The following MARCHF1 variants were observed in gnomAD, a reference collection of about 807,000 sequenced individuals.
MARCHF1 encodes the protein E3 ubiquitin-protein ligase MARCHF1.
Under a neutral mutation model 54.2 loss-of-function variants are expected in MARCHF1, and 40 were observed. The ratio of observed to expected loss-of-function variants is 0.74; its 90% CI spans 0.57 to 0.96. MARCHF1 has a LOEUF of 0.96. Among genes scored for constraint, MARCHF1 ranks in the 40% least tolerant of loss-of-function variants. The pLI is 0.00. For synonymous variants in MARCHF1, 236 were observed against 236.3 expected, an observed-to-expected ratio of 1.00 and a Z score of 0.01; for missense variants, 586 against 656.5, an observed-to-expected ratio of 0.89 and a Z score of 1.17.
chr4:163,804,351 AATATC>A (rs1748166695), intron 4 of MARCHF1, among the ~76,000 whole-genome samples: 1 of 152,158 alleles, frequency 6.6e-6, no homozygotes. Flanking sequence ...AAACAGCATT[AATATC>A]ATATGGGAAC....
At chr4:163,845,953 T>C (rs994676139) in intron 4 of MARCHF1, among the ~76,000 whole-genome samples, 5 of 152,148 alleles carry the variant, frequency 3.3e-5, no homozygotes, top group Admixed American at 2.6e-4. Context: ...TAACAACCAT[T>C]GGGACATATT....
chr4:163,734,215 A>T (rs1428332075), intron 4 of MARCHF1, among the ~76,000 whole-genome samples: 1 of 152,216 alleles, frequency 6.6e-6, no homozygotes, highest in Non-Finnish European at 1.5e-5. Flanking sequence ...AAATCCTCAC[A>T]TACTGTTGGT....
intron 2 of MARCHF1, among the ~76,000 whole-genome samples, chr4:164,105,315 C>T (rs550006010): frequency 7.2e-6 from 1 of 139,730 alleles, no homozygotes; most frequent in Admixed American, 7.3e-5. Context: ...CAAGTCAATC[C>T]TAAGCCAAAA....
chr4:163,705,841 T>C (rs1472896607), intron 4 of MARCHF1, among the ~76,000 whole-genome samples: 3 of 152,018 alleles, frequency 2.0e-5, no homozygotes, highest in Admixed American at 1.3e-4. Flanking sequence ...ATGGAGTATT[T>C]GGTAGAAAAG....
At chr4:164,005,030 A>T (rs889246521) in intron 2 of MARCHF1, among the ~76,000 whole-genome samples, 2 of 152,102 alleles carry the variant, frequency 1.3e-5, no homozygotes, top group Non-Finnish European at 2.9e-5. Context: ...ATAATGCAGA[A>T]AATTAGTACA....
intron 2 of MARCHF1, among the ~76,000 whole-genome samples, chr4:164,046,654 C>A (rs1377910052): frequency 6.6e-6 from 1 of 152,068 alleles, no homozygotes; most frequent in Non-Finnish European, 1.5e-5. Context: ...AAATATTAAT[C>A]AAAACACAAA....
At chr4:164,154,186 T>A (rs1311686987) in intron 1 of MARCHF1, among the ~76,000 whole-genome samples, 1 of 152,070 alleles carries the variant, frequency 6.6e-6, no homozygotes, top group African/African-American at 2.4e-5. Context: ...TATTTAAATG[T>A]AAAAAATATC....
intron 1 of MARCHF1, among the ~76,000 whole-genome samples, chr4:164,213,559 A>G (rs1184211154): frequency 6.6e-6 from 1 of 152,030 alleles, no homozygotes; most frequent in Non-Finnish European, 1.5e-5. Flanking sequence ...TAAAAATTCT[A>G]CGTAACACAT....
At position 163,586,320 on chromosome 4, in the gene MARCHF1, G is replaced by A. The variant is rs115442044; in HGVS notation, c.1011-391C>T. On this transcript the variant is annotated intron_variant, in intron 7 of 9. Coordinates refer to ENST00000514618, the MANE Select transcript of MARCHF1 (RefSeq NM_001394959.1). ...TAAATGAATTCTGTGTTTAGACTGGGTTGAATCTCCAGGATATCTCGTTAT... is the reference window on the plus strand; with the variant it reads ...TAAATGAATTCTGTGTTTAGACTGGATTGAATCTCCAGGATATCTCGTTAT... Among the ~76,000 whole-genome samples the A allele has an allele frequency of 4.6e-3, 703 of 152,140 alleles. 7 individuals are homozygous for A. The highest frequency in any genetic ancestry group is 0.016 in the African/African-American group (683 of 41,486).
intron 1 of MARCHF1, among the ~76,000 whole-genome samples, chr4:164,349,543 G>T (rs1048884041): frequency 1.3e-5 from 2 of 151,964 alleles, no homozygotes; most frequent in African/African-American, 4.8e-5. Flanking sequence ...TTATTTTCTA[G>T]TATTTGTCCA....
chr4:164,066,385 G>T (rs192962207), intron 2 of MARCHF1, among the ~76,000 whole-genome samples: 1 of 152,190 alleles, frequency 6.6e-6, no homozygotes, highest in Non-Finnish European at 1.5e-5. Flanking sequence ...TGGTGAGGTT[G>T]TGGAGAAAAA....
chr4:163,722,346 G>C (rs1745500630), intron 4 of MARCHF1, among the ~76,000 whole-genome samples: 1 of 152,168 alleles, frequency 6.6e-6, no homozygotes, highest in South Asian at 2.1e-4. Context: ...GGTTTTGAGT[G>C]AGTTTCTGAA....
intron 4 of MARCHF1, among the ~76,000 whole-genome samples, chr4:163,765,494 G>A (rs1746947889): frequency 6.6e-6 from 1 of 152,030 alleles, no homozygotes. Context: ...GCTAACTACA[G>A]CTATATTACA....
Position 164,176,976 on chromosome 4 carries a change from CT to C in MARCHF1, c.-322-65315del, listed in dbSNP as rs1730698670. Among the ~76,000 whole-genome samples the C allele has an allele frequency of 3.7e-4, 12 of 32,860 alleles. 1 individual carries two copies. The highest frequency in any genetic ancestry group is 1.1e-3 in the South Asian group (1 of 918). The allele number at this position is 32,860 out of a possible 152,430, so 21.6% of individuals were successfully genotyped here. A position where few individuals can be genotyped will look rare whatever the true frequency, so the allele number is the denominator to read the frequency against. ...TCTCTCTCTCTCTCTCTCTCTCTCT[CT>C]CTCTATATATATATATATATATATA... On this transcript the variant is annotated intron_variant, in intron 1 of 9. Transcript: ENST00000514618.
At chr4:163,648,414 C>T (rs1395463168) in intron 5 of MARCHF1, among the ~76,000 whole-genome samples, 2 of 151,382 alleles carry the variant, frequency 1.3e-5, no homozygotes, top group Non-Finnish European at 1.5e-5. Flanking sequence ...ATATTCTGAA[C>T]GTTGGTGAAT....
chr4:164,045,790 C>A (rs1325675906), intron 2 of MARCHF1, among the ~76,000 whole-genome samples: 1 of 151,242 alleles, frequency 6.6e-6, no homozygotes, highest in Non-Finnish European at 1.5e-5. Context: ...CAAACAAAAG[C>A]ATCTCAAGAT....
At chr4:163,976,970 AGTTCT>A (rs1314988582) in intron 3 of MARCHF1, among the ~76,000 whole-genome samples, 1 of 152,146 alleles carries the variant, frequency 6.6e-6, no homozygotes, top group African/African-American at 2.4e-5. Flanking sequence ...GTTAAAAAAT[AGTTCT>A]GTTAAGTCAT....
intron 4 of MARCHF1, among the ~76,000 whole-genome samples, chr4:163,781,620 A>G (rs1160657764): frequency 6.6e-6 from 1 of 152,228 alleles, no homozygotes; most frequent in Non-Finnish European, 1.5e-5. Flanking sequence ...TTAGCAAGTG[A>G]CTTGTGTTTG....
chr4:164,105,899 G>T (rs1755685147), intron 2 of MARCHF1, among the ~76,000 whole-genome samples: 1 of 148,116 alleles, frequency 6.8e-6, no homozygotes, highest in African/African-American at 2.6e-5. Flanking sequence ...AATCTACAAT[G>T]AACTCAAACA....
Sources: allele counts gnomAD v4.1 joint callset (sites outside exome capture counted in the v4.1 genomes callset), GRCh38; gene constraint gnomAD v4.1.1; transcripts MANE v1.5; gene names NCBI Gene and HGNC (gene_info 2026-07-23, HGNC 2026-07-21).